CCDC25: variants seen among roughly 807,000 people sequenced by gnomAD.
The protein encoded by CCDC25 is coiled-coil domain-containing protein 25.
CCDC25 carries 16 observed loss-of-function variants against 35.3 expected under a neutral mutation model. The ratio of observed to expected loss-of-function variants is 0.45; its 90% CI spans 0.31 to 0.69. CCDC25 has a LOEUF of 0.69. CCDC25 is among the 30% of genes least tolerant of loss of function. The pLI is 0.06. For synonymous variants in CCDC25, 79 were observed against 80.3 expected, an observed-to-expected ratio of 0.98 and a Z score of 0.09; for missense variants, 179 against 250.7, an observed-to-expected ratio of 0.71 and a Z score of 1.93.
intron 3 of CCDC25, among the ~76,000 whole-genome samples, chr8:27,760,609 T>C (rs1436397971): frequency 6.6e-6 from 1 of 152,182 alleles, no homozygotes; most frequent in Non-Finnish European, 1.5e-5. Flanking sequence ...TGCTAGGTAC[T>C]GGGGACATAG....
intron 7 of CCDC25, among the ~76,000 whole-genome samples, chr8:27,745,644 A>AT (rs1243252559): frequency 3.3e-5 from 5 of 152,232 alleles, no homozygotes; most frequent in Non-Finnish European, 4.4e-5. Flanking sequence ...CTTAGAGCCT[A>AT]TTGCTGGAAT....
intron 2 of CCDC25, among the ~76,000 whole-genome samples, chr8:27,764,975 A>C (rs1217282996): frequency 6.6e-6 from 1 of 152,194 alleles, no homozygotes; most frequent in Non-Finnish European, 1.5e-5. Context: ...TTCTCCTACT[A>C]ACCCATAAAT....
intron 1 of CCDC25, among the ~76,000 whole-genome samples, chr8:27,770,134 AC>A (rs1804539498): frequency 6.6e-6 from 1 of 151,896 alleles, no homozygotes; most frequent in African/African-American, 2.4e-5. Flanking sequence ...ACAGAGGGAG[AC>A]TCCATCTCAA....
At chr8:27,770,519 C>G (rs555904735) in intron 1 of CCDC25, among the ~76,000 whole-genome samples, 14 of 152,026 alleles carry the variant, frequency 9.2e-5, no homozygotes, top group Non-Finnish European at 2.1e-4. Flanking sequence ...AGGCAGATCA[C>G]CTGAGGTCGG....
intron 1 of CCDC25, among the ~76,000 whole-genome samples, chr8:27,766,843 A>G (rs893812843): frequency 5.3e-5 from 8 of 152,234 alleles, no homozygotes; most frequent in Admixed American, 5.2e-4. Context: ...CGGCAGGTGA[A>G]GAAATTAAAT....
chr8:27,738,091 G>A (rs891280513), intron 8 of CCDC25, among the ~76,000 whole-genome samples: 154 of 152,180 alleles, frequency 1.0e-3, no homozygotes, highest in African/African-American at 3.5e-3. Context: ...AGAATGATAC[G>A]ATGGACTTTG....
chr8:27,738,594 G>A (rs1254322649), intron 8 of CCDC25, among the ~76,000 whole-genome samples: 1 of 114,602 alleles, frequency 8.7e-6, no homozygotes, highest in East Asian at 3.0e-4. Flanking sequence ...ATGTAGGTCG[G>A]TAGGTAGGTG....
chr8:27,739,447 T>C (rs1250351859), intron 8 of CCDC25, among the ~76,000 whole-genome samples: 1 of 152,114 alleles, frequency 6.6e-6, no homozygotes, highest in Non-Finnish European at 1.5e-5. Flanking sequence ...CAGTTGGCCC[T>C]TGATTTCTTT....
chr8:27,748,505 C>T lies in CCDC25; in HGVS notation c.338G>A (p.Arg113Lys), dbSNP rs370914554. The T allele has an allele frequency of 2.5e-6, 4 of 1,611,874 alleles. No homozygotes were observed. In the African/African-American group the frequency reaches 4.0e-5, roughly 16 times the overall value. The change falls in exon 6 of 9, where the codon AGG (arginine) becomes AAG (lysine). Residue 113 changes from arginine to lysine, a missense_variant. Transcript: ENST00000356537. ...DMDVGQIGFHRQKDVKIVTVE... is the reference protein window; with the variant it reads ...DMDVGQIGFHKQKDVKIVTVE... Reference sequence around the variant, plus strand: ...GCACAAAACACTTACATCCTTCTGCCTGTGAAAGCCTATCTGCCCCACATC... The same window carrying T: ...GCACAAAACACTTACATCCTTCTGCTTGTGAAAGCCTATCTGCCCCACATC...
intron 5 of CCDC25, among the ~76,000 whole-genome samples, chr8:27,749,705 G>A (rs1304027029): frequency 6.6e-6 from 1 of 151,820 alleles, no homozygotes; most frequent in Non-Finnish European, 1.5e-5. Flanking sequence ...AGCGGGACAA[G>A]TGGCAAAACT....
chr8:27,763,217 TAAGTA>T (rs1050195867), intron 2 of CCDC25, among the ~76,000 whole-genome samples: 12 of 152,216 alleles, frequency 7.9e-5, no homozygotes, highest in South Asian at 2.1e-4. Context: ...ATAAATTTTT[TAAGTA>T]AAGTTGTCCA....
chr8:27,760,099 A>G (rs957987437), intron 3 of CCDC25, among the ~76,000 whole-genome samples: 1 of 152,122 alleles, frequency 6.6e-6, no homozygotes, highest in African/African-American at 2.4e-5. Flanking sequence ...ACATCCAACA[A>G]CAGTCATTCA....
chr8:27,766,833 C>T (rs369919439), intron 1 of CCDC25, among the ~76,000 whole-genome samples: 11 of 151,804 alleles, frequency 7.2e-5, no homozygotes, highest in South Asian at 2.1e-4. Context: ...TAAAAAGAAA[C>T]GGCAGGTGAA....
intron 2 of CCDC25, among the ~76,000 whole-genome samples, chr8:27,764,889 T>C (rs2128946784): frequency 6.6e-6 from 1 of 152,360 alleles, no homozygotes; most frequent in East Asian, 1.9e-4. Context: ...TTCATGATAA[T>C]AAAGTTGTGA....
At chr8:27,765,634 A>AAAG (rs1554551950) in intron 1 of CCDC25, among the ~76,000 whole-genome samples, 6 of 151,878 alleles carry the variant, frequency 4.0e-5, no homozygotes, top group African/African-American at 1.5e-4. Flanking sequence ...GAGTTAAAAA[A>AAAG]AAAAGAAAAG....
chr8:27,764,638 T>TA (rs1282928533), intron 2 of CCDC25: 1 of 210,694 alleles, frequency 4.7e-6, no homozygotes, highest in Non-Finnish European at 9.9e-6. Context: ...CAGAGGGCTC[T>TA]AAAAATATCA....
intron 1 of CCDC25, among the ~76,000 whole-genome samples, chr8:27,766,057 G>A (rs1262317963): frequency 6.6e-6 from 1 of 152,188 alleles, no homozygotes; most frequent in Non-Finnish European, 1.5e-5. Flanking sequence ...TCCCTACCTT[G>A]GATTCCTACT....
chr8:27,766,042 A>G (rs1479531565), intron 1 of CCDC25, among the ~76,000 whole-genome samples: 1 of 152,248 alleles, frequency 6.6e-6, no homozygotes. Flanking sequence ...GTTTTATTGC[A>G]GACGTCCCTA....
chr8:27,769,294 T>C (rs1804506805), intron 1 of CCDC25, among the ~76,000 whole-genome samples: 1 of 152,006 alleles, frequency 6.6e-6, no homozygotes, highest in South Asian at 2.1e-4. Flanking sequence ...GACATTATAA[T>C]GGAAGTCAAT....
Sources: allele counts gnomAD v4.1 joint callset (sites outside exome capture counted in the v4.1 genomes callset), GRCh38; gene constraint gnomAD v4.1.1; transcripts MANE v1.5; gene names NCBI Gene and HGNC (gene_info 2026-07-23, HGNC 2026-07-21).